ZC3H4: variants seen among roughly 807,000 people sequenced by gnomAD.
The protein encoded by ZC3H4 is zinc finger CCCH-type containing 4, also known as zinc finger CCCH domain-containing protein 4.
A neutral mutation model predicts 108.3 loss-of-function variants in ZC3H4; 13 were observed. The observed-to-expected ratio is 0.12, with a 90% CI of 0.08 to 0.19. The LOEUF (loss-of-function observed/expected upper bound fraction) is 0.19. Ranked by LOEUF, ZC3H4 falls within the 10% of genes least tolerant of loss-of-function variation. The pLI, the probability that ZC3H4 is intolerant of heterozygous loss-of-function variation, is 1.00. For synonymous variants in ZC3H4, 917 were observed against 749.6 expected, an observed-to-expected ratio of 1.22 and a Z score of -3.65; for missense variants, 1,734 against 1,838.8, an observed-to-expected ratio of 0.94 and a Z score of 1.04.
intron 11 of ZC3H4, among the ~76,000 whole-genome samples, chr19:47,080,515 A>G (rs1316416716): frequency 5.9e-5 from 9 of 152,104 alleles, no homozygotes; most frequent in Non-Finnish European, 1.2e-4. Flanking sequence ...TCTTTCTTGG[A>G]GATGGCGTCT....
rs377045786 is a variant in ZC3H4 at position 47,066,990 on chromosome 19, C to T, written c.3278G>A (p.Arg1093Gln). Reference protein sequence around the residue: ...QKPTDSTASSRAAKPGPAEAP... With the variant: ...QKPTDSTASSQAAKPGPAEAP... ...CTCAGCAGGGCCGGGCTTGGCAGCC[C>T]GGGAGGAGGCCGTAGAGTCTGTGGG... The change falls in exon 15 of 15, where the codon CGG (arginine) becomes CAG (glutamine). Residue 1093 changes from arginine to glutamine, a missense_variant. This residue lies in a region of ZC3H4 where 518 missense variants were observed against 499.6 expected (regional missense o/e 1.04). Coordinates refer to ENST00000253048, the MANE Select transcript of ZC3H4 (RefSeq NM_015168.2). 159 of 1,588,402 alleles carry T rather than the reference C, an allele frequency of 1.0e-4. No individual in the cohort carries two copies. In the African/African-American group the frequency reaches 1.7e-3, roughly 17 times the overall value.
At position 47,112,839 on chromosome 19, in the gene ZC3H4, GC is replaced by G. The variant is rs143671586; in HGVS notation, c.-5-251del. On this transcript the variant is annotated intron_variant, in intron 1 of 14. Coordinates refer to ENST00000253048, the MANE Select transcript of ZC3H4 (RefSeq NM_015168.2). ...GCGCGGGGCCCTCATAGGGGCGAGA[GC>G]CCCCCCCCCACGCACCCCCGGGGGG... Among the ~76,000 whole-genome samples the G allele has an allele frequency of 7.6e-3, 1,121 of 148,016 alleles. 7 individuals carry two copies. Among genetic ancestry groups the G allele is most frequent in the Middle Eastern group, 0.014 (4 of 290 alleles).
In ZC3H4 at chr19:47,077,159, T is replaced by TG. The variant is rs2057436793; in HGVS notation, c.1440+4353dup. Among the ~76,000 whole-genome samples the TG allele has an allele frequency of 2.0e-5, 3 of 150,222 alleles. No individual in the cohort carries two copies. In the South Asian group the frequency reaches 6.3e-4, roughly 32 times the overall value. On this transcript the variant is annotated intron_variant, in intron 11 of 14. Transcript: ENST00000253048. Reference sequence around the variant, plus strand: ...TGGACGACAGAGCGAGATTCCGTCTTGGAAAAAAAAAACAACTCACAGAAC... The same window carrying TG: ...TGGACGACAGAGCGAGATTCCGTCTTGGGAAAAAAAAAACAACTCACAGAAC...
chr19:47,106,959 T>C (rs964711604), intron 2 of ZC3H4, among the ~76,000 whole-genome samples: 1 of 152,188 alleles, frequency 6.6e-6, no homozygotes, highest in Admixed American at 6.5e-5. Context: ...TGGTATGAGA[T>C]TCTAGATCCC....
At chr19:47,091,067 C>T (rs565479112) in intron 4 of ZC3H4, among the ~76,000 whole-genome samples, 1 of 151,362 alleles carries the variant, frequency 6.6e-6, no homozygotes, top group South Asian at 2.1e-4. Flanking sequence ...GAGATGCAGA[C>T]GCGAAATGCG....
At chr19:47,079,369 G>C (rs1469446566) in intron 11 of ZC3H4, among the ~76,000 whole-genome samples, 1 of 149,458 alleles carries the variant, frequency 6.7e-6, no homozygotes, top group Non-Finnish European at 1.5e-5. Flanking sequence ...AATTTCACCT[G>C]TTTCTTTTTA....
chr19:47,094,331 G>C, intron 3 of ZC3H4, 58 bp downstream of exon 3: 1 of 1,592,072 alleles, frequency 6.3e-7, no homozygotes, highest in Admixed American at 1.7e-5. Context: ...TCAGCCCCTG[G>C]GGCTCTCAGC....
Position 47,067,602 on chromosome 19 carries a change from T to G in ZC3H4, c.2666A>C (p.Asp889Ala), listed in dbSNP as rs566908985. The G allele has an allele frequency of 6.2e-7, 1 of 1,606,262 alleles. No homozygotes were observed. The highest frequency in any genetic ancestry group is 1.7e-5 in the Admixed American group (1 of 59,390). Reference protein sequence around the residue: ...GSGPGDSGPSDPRLARALPTS... With the variant: ...GSGPGDSGPSAPRLARALPTS... ...GGGCAGGGCGCGAGCCAGCCGAGGA[T>G]CGGAGGGTCCCGAATCACCTGGGCC... The change falls in exon 15 of 15, where the codon GAT becomes GCT. Residue 889 changes from aspartate (D) to alanine (A), a missense_variant. Physicochemically the swap from Asp to Ala is moderately radical, Grantham distance 126. Coordinates refer to ENST00000253048, the MANE Select transcript of ZC3H4 (RefSeq NM_015168.2). This position sits in a 1 kb window ranked among gnomAD's most constrained non-coding sequence, Gnocchi z 6.4.
At position 47,094,394 on chromosome 19, in the gene ZC3H4, G is replaced by T; in HGVS notation, c.376C>A (p.His126Asn). The T allele has an allele frequency of 6.2e-7, 1 of 1,614,004 alleles. No homozygotes were observed. The highest frequency in any genetic ancestry group is 8.5e-7 in the Non-Finnish European group (1 of 1,180,016). The stretch of plus-strand genomic sequence containing the variant: ...CCAGGGGATCTCCGACCTACTTTGT[G>T]CTTGGATTTCCTCCTCTTCTTCGAC... ...RRSKKRRKSKHKRHASSSDDF... is the reference protein window; with the variant it reads ...RRSKKRRKSKNKRHASSSDDF... The change falls in exon 3 of 15, where the codon CAC (histidine) becomes AAC (asparagine). Residue 126 changes from histidine (H) to asparagine (N), a missense_variant. His to Asn is a moderately conservative substitution (Grantham distance 68). This residue lies in a region of ZC3H4 where 403 missense variants were observed against 457.0 expected (regional missense o/e 0.88). Coordinates refer to ENST00000253048, the MANE Select transcript of ZC3H4 (RefSeq NM_015168.2).
Position 47,076,329 on chromosome 19 carries a change from A to G in ZC3H4, c.1441-3616T>C, listed in dbSNP as rs935096724. ...CATGCACGCGTGCGCGCGCGCGCAC[A>G]CACACACACACACACACTCACACTC... On this transcript the variant is annotated intron_variant, in intron 11 of 14. Transcript: ENST00000253048. Among the ~76,000 whole-genome samples the G allele has an allele frequency of 3.2e-3, 482 of 149,402 alleles. 6 individuals carry two copies. Among genetic ancestry groups the G allele is most frequent in the South Asian group, 0.016 (76 of 4,806 alleles).
At chr19:47,096,335 T>C (rs911596478) in intron 2 of ZC3H4, among the ~76,000 whole-genome samples, 3 of 152,216 alleles carry the variant, frequency 2.0e-5, no homozygotes, top group Non-Finnish European at 2.9e-5. Flanking sequence ...AAACTTGGAA[T>C]GGGGCGGGGG....
chr19:47,067,564 C>T lies in ZC3H4; in HGVS notation c.2704G>A (p.Glu902Lys), dbSNP rs781277526. ...LARALPTSKP[E>K]GSLHSSPVGP... ...ACAGGGCTGGAATGAAGGCTGCCTT[C>T]GGGCTTGGAGGTGGGCAGGGCGCGA... The change falls in exon 15 of 15, where the codon GAA becomes AAA. Residue 902 changes from glutamate (E) to lysine (K), a missense_variant. Glu to Lys is a moderately conservative substitution (Grantham distance 56). This residue lies in a region of ZC3H4 where 540 missense variants were observed against 484.1 expected (regional missense o/e 1.12). Transcript: ENST00000253048. The surrounding 1 kb of genome is among the most constrained non-coding windows in gnomAD (Gnocchi z 6.4). 1.4e-5 allele frequency: 22 copies of T among 1,602,218 alleles called. No homozygotes were observed. Among genetic ancestry groups the T allele is most frequent in the Non-Finnish European group, 1.5e-5 (18 of 1,174,530 alleles).
intron 2 of ZC3H4, chr19:47,110,985 T>G (rs1171831916): frequency 1.2e-5 from 11 of 899,242 alleles, no homozygotes; most frequent in Non-Finnish European, 1.2e-5. Flanking sequence ...AAAGGGGAGG[T>G]GGGAGTGGGG....
intron 2 of ZC3H4, among the ~76,000 whole-genome samples, chr19:47,099,465 A>G (rs2057872936): frequency 6.6e-6 from 1 of 151,196 alleles, no homozygotes; most frequent in African/African-American, 2.5e-5. Context: ...GTCTCAAAAA[A>G]AAAAAAAGAA....
chr19:47,101,353 T>TA (rs1182691673), intron 2 of ZC3H4, among the ~76,000 whole-genome samples: 1 of 151,580 alleles, frequency 6.6e-6, no homozygotes, highest in Non-Finnish European at 1.5e-5. Flanking sequence ...GCCCAGGAGT[T>TA]AGAGACCAGC....
Position 47,071,813 on chromosome 19 carries a change from C to T in ZC3H4, c.2111G>A (p.Gly704Asp), listed in dbSNP as rs374140023. 4 of 1,613,256 alleles carry T rather than the reference C, an allele frequency of 2.5e-6. No homozygotes were observed. Among genetic ancestry groups the T allele is most frequent in the Admixed American group, 1.7e-5 (1 of 59,906 alleles). The part of the protein sequence containing the change: ...FYENFYQQQE[G>D]MEMEPGLLGD... ...CAGGAGTCCGGGCTCCATCTCCATG[C>T]CCTCCTGCTGCTGGTAGAAGTTTTC... Residue 704 changes from glycine (G) to aspartate (D), a missense_variant, in exon 13 of 15, where the codon GGC becomes GAC. By Grantham distance (94) the Gly-to-Asp change is moderately conservative (BLOSUM62 -1). Transcript: ENST00000253048.
chr19:47,111,518 T>C (rs1197221991), intron 2 of ZC3H4, among the ~76,000 whole-genome samples: 1 of 152,046 alleles, frequency 6.6e-6, no homozygotes, highest in Admixed American at 6.5e-5. Context: ...TTCCTCTCCC[T>C]ACAAGGCAGG....
chr19:47,081,689 G>C (rs1169690422), intron 10 of ZC3H4, 67 bp from the exon 11 acceptor site: 4 of 1,343,274 alleles, frequency 3.0e-6, no homozygotes, highest in Middle Eastern at 3.6e-4. Flanking sequence ...ACAGACCCAA[G>C]GCAGAATCCA....
At chr19:47,093,540 G>A (rs1256627926) in intron 4 of ZC3H4, among the ~76,000 whole-genome samples, 2 of 152,162 alleles carry the variant, frequency 1.3e-5, no homozygotes, top group Non-Finnish European at 2.9e-5. Flanking sequence ...GCTAGGGCCT[G>A]GGTTCAAATC....
Sources: allele counts gnomAD v4.1 joint callset (sites outside exome capture counted in the v4.1 genomes callset), GRCh38; gene constraint gnomAD v4.1.1; regional missense constraint gnomAD v4.1.1; non-coding constraint Gnocchi (gnomAD v3.1); transcripts MANE v1.5; gene names NCBI Gene and HGNC (gene_info 2026-07-23, HGNC 2026-07-21).